UNC13C: variants seen among roughly 807,000 people sequenced by gnomAD.
UNC13C encodes protein unc-13 homolog C.
UNC13C carries 174 observed loss-of-function variants against 245.4 expected under a neutral mutation model. That is an observed-to-expected ratio of 0.71 (90% CI 0.63 to 0.80). UNC13C has a LOEUF of 0.80. UNC13C is among the 30% of genes least tolerant of loss of function. The pLI is 0.00. For synonymous variants in UNC13C, 992 were observed against 895.1 expected (o/e 1.11, Z -1.93); for missense variants, 2,829 against 2,602.9 (o/e 1.09, Z -1.89).
At chr15:54,276,511 T>C (rs1400093173) in intron 10 of UNC13C, among the ~76,000 whole-genome samples, 6 of 152,112 alleles carry the variant, frequency 3.9e-5, no homozygotes, top group Admixed American at 3.9e-4. Flanking sequence ...GTTTACAGTG[T>C]TCAACACATC....
chr15:53,942,566 GAAA>G, the UNC13C span, among the ~76,000 whole-genome samples: 1 of 126,762 alleles, frequency 7.9e-6, no homozygotes, highest in Non-Finnish European at 1.7e-5. Context: ...AATAAAAATT[GAAA>G]AAAAAAAAAA....
At chr15:54,469,060 A>G (rs1892320945) in intron 19 of UNC13C, among the ~76,000 whole-genome samples, 1 of 151,580 alleles carries the variant, frequency 6.6e-6, no homozygotes, top group Non-Finnish European at 1.5e-5. Flanking sequence ...AATTATTCCA[A>G]TCCATGAGTA....
intron 8 of UNC13C, among the ~76,000 whole-genome samples, chr15:54,250,749 C>CTTTTTTTTTT (rs1296024773): frequency 1.8e-4 from 16 of 88,876 alleles, no homozygotes; most frequent in East Asian, 6.7e-4. Context: ...TTCTTTCTTT[C>CTTTTTTTTTT]TTTTTTTTTT....
chr15:54,283,445 G>A (rs931897098), intron 10 of UNC13C, among the ~76,000 whole-genome samples: 4 of 151,826 alleles, frequency 2.6e-5, no homozygotes, highest in Non-Finnish European at 4.4e-5. Flanking sequence ...CATTGTAAAA[G>A]ATATTGCTAA....
intron 19 of UNC13C, among the ~76,000 whole-genome samples, chr15:54,424,953 G>A (rs1339914385): frequency 6.6e-6 from 1 of 151,734 alleles, no homozygotes; most frequent in Non-Finnish European, 1.5e-5. Flanking sequence ...TCATTGGAAG[G>A]GTTCTTTAAG....
At chr15:54,274,710 C>T (rs1204626828) in intron 10 of UNC13C, among the ~76,000 whole-genome samples, 6 of 126,792 alleles carry the variant, frequency 4.7e-5, no homozygotes, top group South Asian at 2.5e-4. Context: ...CTCGCTCTGT[C>T]GCCCAGGCTG....
chr15:53,992,775 T>C (rs995767458), intron 1 of UNC13C, among the ~76,000 whole-genome samples: 2 of 152,124 alleles, frequency 1.3e-5, no homozygotes, highest in African/African-American at 4.8e-5. Context: ...GGAGGTCTGT[T>C]GTCTTTCAAG....
At chr15:54,084,953 A>G (rs1899153571) in intron 2 of UNC13C, among the ~76,000 whole-genome samples, 2 of 152,200 alleles carry the variant, frequency 1.3e-5, no homozygotes, top group South Asian at 2.1e-4. Context: ...ATTATTTATA[A>G]GTAGTTTTGA....
intron 19 of UNC13C, among the ~76,000 whole-genome samples, chr15:54,430,956 G>T (rs1190024157): frequency 6.6e-6 from 1 of 151,724 alleles, no homozygotes; most frequent in East Asian, 1.9e-4. Context: ...CATGAACCAT[G>T]TTGCAACTTC....
intron 31 of UNC13C, among the ~76,000 whole-genome samples, chr15:54,623,185 T>G (rs1900906419): frequency 6.6e-6 from 1 of 151,072 alleles, no homozygotes; most frequent in East Asian, 1.9e-4. Flanking sequence ...CATGAGAATC[T>G]TCATTTAGTA....
chr15:54,001,675 T>C (rs1376596306), intron 1 of UNC13C, among the ~76,000 whole-genome samples: 1 of 152,228 alleles, frequency 6.6e-6, no homozygotes, highest in African/African-American at 2.4e-5. Context: ...TAATTATTTC[T>C]TATTTAGTCA....
In UNC13C at chr15:54,092,351, T is replaced by G. The variant is rs141541071; in HGVS notation, c.2984-50667T>G. 1.1e-4 allele frequency among the ~76,000 whole-genome samples: 16 copies of G among 152,312 alleles called. No individual in the cohort carries two copies. The East Asian group carries it at 3.1e-3, about 29-fold the overall frequency. ...TCACAAAGCATATTCATTACCCAAGTCTTTACAGAGGATCTGCTATAATTT... is the reference window on the plus strand; with the variant it reads ...TCACAAAGCATATTCATTACCCAAGGCTTTACAGAGGATCTGCTATAATTT... On this transcript the variant is annotated intron_variant, in intron 2 of 32. Coordinates refer to ENST00000260323, the MANE Select transcript of UNC13C (RefSeq NM_001080534.3).
intron 3 of UNC13C, 108 bp downstream of exon 3, chr15:54,143,148 G>A (rs1254171965): frequency 4.8e-6 from 5 of 1,049,878 alleles, no homozygotes; most frequent in Middle Eastern, 2.1e-4. Context: ...TTTGAAATGT[G>A]CATGTTATCC....
chr15:54,019,008 A>G (rs11631632), intron 2 of UNC13C, among the ~76,000 whole-genome samples: 65,708 of 152,074 alleles, frequency 0.43, 15,212 homozygotes, highest in East Asian at 0.53. Flanking sequence ...TCTCCTGAGA[A>G]CTCAGAAGAA....
chr15:54,091,180 G>GA, intron 2 of UNC13C, among the ~76,000 whole-genome samples: 1 of 152,108 alleles, frequency 6.6e-6, no homozygotes, highest in Admixed American at 6.5e-5. Flanking sequence ...TTCTGCCTCT[G>GA]ACCTTTTCAG....
intron 30 of UNC13C, 83 bp downstream of exon 30, chr15:54,568,030 A>G (rs2141217177): frequency 9.0e-7 from 1 of 1,116,932 alleles, no homozygotes; most frequent in East Asian, 2.8e-5. Flanking sequence ...ACATAGTCCC[A>G]ATAATTTTTT....
At chr15:54,358,936 A>T (rs2039163173) in intron 17 of UNC13C, among the ~76,000 whole-genome samples, 1 of 151,938 alleles carries the variant, frequency 6.6e-6, no homozygotes, top group African/African-American at 2.4e-5. Context: ...ATTGAGTATG[A>T]TGTTAGCTGT....
At chr15:54,218,455 G>A (rs1468765399) in intron 4 of UNC13C, among the ~76,000 whole-genome samples, 1 of 151,898 alleles carries the variant, frequency 6.6e-6, no homozygotes, top group Non-Finnish European at 1.5e-5. Context: ...CAGTGAGGAG[G>A]CCAGTACCAG....
intron 30 of UNC13C, among the ~76,000 whole-genome samples, chr15:54,609,967 A>G (rs1021999401): frequency 1.3e-5 from 2 of 152,170 alleles, no homozygotes; most frequent in African/African-American, 4.8e-5. Flanking sequence ...ACTCACTGTC[A>G]TGAGAAGAGC....
Sources: allele counts gnomAD v4.1 joint callset (sites outside exome capture counted in the v4.1 genomes callset), GRCh38; gene constraint gnomAD v4.1.1; transcripts MANE v1.5; gene names NCBI Gene and HGNC (gene_info 2026-07-23, HGNC 2026-07-21).